The following SLC8A3 variants were observed in gnomAD, a reference collection of about 807,000 sequenced individuals.
The protein encoded by SLC8A3 is sodium/calcium exchanger 3.
Under a neutral mutation model 65.4 loss-of-function variants are expected in SLC8A3, and 37 were observed. That is an observed-to-expected ratio of 0.57 (90% CI 0.44 to 0.74). SLC8A3 has a LOEUF of 0.74. Ranked by LOEUF, SLC8A3 falls within the 30% of genes least tolerant of loss-of-function variation. The pLI is 0.00. For missense variants in SLC8A3, 1,112 were observed against 1,172.1 expected (o/e 0.95, Z 0.75); for synonymous variants, 461 against 444.5 (o/e 1.04, Z -0.47).
At chr14:70,124,918 GGAAGAAGGTGGCATCCT>G (rs1346745247) in intron 2 of SLC8A3, among the ~76,000 whole-genome samples, 2 of 152,194 alleles carry the variant, frequency 1.3e-5, no homozygotes, top group Admixed American at 6.5e-5. Flanking sequence ...GATGAGGGTT[GGAAGAAGGTGGCATCCT>G]TTCTTATTCG....
chr14:70,147,994 T>C (rs1364305653), intron 2 of SLC8A3, among the ~76,000 whole-genome samples: 3 of 152,212 alleles, frequency 2.0e-5, no homozygotes, highest in Non-Finnish European at 4.4e-5. Flanking sequence ...CTCAGGATGG[T>C]TCGACCGACA....
At chr14:70,064,878 G>A (rs150955) in intron 2 of SLC8A3, among the ~76,000 whole-genome samples, 1 of 151,828 alleles carries the variant, frequency 6.6e-6, no homozygotes, top group African/African-American at 2.4e-5. Flanking sequence ...TTTATTTATT[G>A]GAGCTTTAAA....
At chr14:70,160,020 T>A (rs188255254) in intron 2 of SLC8A3, among the ~76,000 whole-genome samples, 128 of 151,996 alleles carry the variant, frequency 8.4e-4, no homozygotes, top group Middle Eastern at 3.4e-3. Flanking sequence ...TAGAAAATAT[T>A]TGAAAAAATA....
chr14:70,082,803 G>A (rs1018356465), intron 2 of SLC8A3, among the ~76,000 whole-genome samples: 1 of 152,184 alleles, frequency 6.6e-6, no homozygotes, highest in Admixed American at 6.5e-5. Context: ...GGAATTATGG[G>A]CACAGAGGGA....
chr14:70,155,411 A>G (rs1436098904), intron 2 of SLC8A3, among the ~76,000 whole-genome samples: 3 of 152,108 alleles, frequency 2.0e-5, no homozygotes, highest in Non-Finnish European at 4.4e-5. Flanking sequence ...AATAACTACA[A>G]TTCTACTCTC....
chr14:70,050,138 A>C (rs765319281), intron 5 of SLC8A3, among the ~76,000 whole-genome samples: 28 of 152,138 alleles, frequency 1.8e-4, no homozygotes, highest in Non-Finnish European at 4.4e-5. Context: ...CCTCCTTTGT[A>C]AAAGGAGCAG....
chr14:70,145,335 T>A (rs1261784777), intron 2 of SLC8A3, among the ~76,000 whole-genome samples: 1 of 152,196 alleles, frequency 6.6e-6, no homozygotes, highest in Non-Finnish European at 1.5e-5. Context: ...TTCCAATCAC[T>A]CTGAATTTCA....
chr14:70,177,741 A>G (rs1392870152), intron 1 of SLC8A3, among the ~76,000 whole-genome samples: 1 of 152,258 alleles, frequency 6.6e-6, no homozygotes, highest in Admixed American at 6.5e-5. Context: ...TGCCTGGCCA[A>G]GGAATGTGGG....
intron 1 of SLC8A3, among the ~76,000 whole-genome samples, chr14:70,186,171 C>A (rs1883197697): frequency 6.6e-6 from 1 of 151,130 alleles, no homozygotes; most frequent in African/African-American, 2.4e-5. Context: ...TTGTAAGGGG[C>A]TTTTCCCCCT....
chr14:70,060,211 A>G (rs1286199448), intron 3 of SLC8A3: 1 of 165,528 alleles, frequency 6.0e-6, no homozygotes, highest in Non-Finnish European at 1.3e-5. Flanking sequence ...AGAGGGGCCT[A>G]TGGGCCACTC....
At chr14:70,103,084 T>C (rs1892641464) in intron 2 of SLC8A3, among the ~76,000 whole-genome samples, 1 of 152,028 alleles carries the variant, frequency 6.6e-6, no homozygotes, top group Non-Finnish European at 1.5e-5. Flanking sequence ...ACATTGTGTA[T>C]AGAGAAAGAG....
At chr14:70,078,832 T>A (rs1222305428) in intron 2 of SLC8A3, among the ~76,000 whole-genome samples, 1 of 152,178 alleles carries the variant, frequency 6.6e-6, no homozygotes, top group Non-Finnish European at 1.5e-5. Flanking sequence ...AGATACACCA[T>A]TGGGAATGGA....
Position 70,046,067 on chromosome 14 carries a change from T to C in SLC8A3, c.2646A>G (p.Gly882=). ...VLLYRRRPHL[G]GELGGPRGCK... ...AGCCACGGGGGCCACCAAGCTCCCC[T>C]CCCAGGTGCGGCCGCCTTCGGTACA... The change falls in exon 7 of 7, where the codon GGA becomes GGG. Residue 882 remains glycine, a synonymous_variant. Transcript: ENST00000356921. The surrounding 1 kb of genome is among the most constrained non-coding windows in gnomAD (Gnocchi z 4.2). The C allele has an allele frequency of 6.2e-7, 1 of 1,614,112 alleles. No homozygotes were observed. The highest frequency in any genetic ancestry group is 1.7e-5 in the Admixed American group (1 of 60,020).
chr14:70,174,305 C>A (rs1897730863), intron 1 of SLC8A3, among the ~76,000 whole-genome samples: 1 of 152,228 alleles, frequency 6.6e-6, no homozygotes, highest in African/African-American at 2.4e-5. Context: ...TGGACAAGAA[C>A]TTCCTTTCCA....
chr14:70,055,419 A>T (rs1444253058), intron 3 of SLC8A3, among the ~76,000 whole-genome samples: 1 of 152,058 alleles, frequency 6.6e-6, no homozygotes, highest in East Asian at 1.9e-4. Flanking sequence ...TCACAATTAT[A>T]TTAGGAGATT....
Position 70,167,783 on chromosome 14 carries a change from A to T in SLC8A3, c.640T>A (p.Tyr214Asn). The change falls in exon 2 of 7, where the codon TAC becomes AAC. Residue 214 changes from tyrosine to asparagine, a missense_variant. Physicochemically the swap from Tyr to Asn is moderately radical, Grantham distance 143. Transcript: ENST00000356921. ...FITAAWSIFA[Y>N]IWLYMILAVF... ...GCCAGAATCATATAGAGCCAGATGT[A>T]GGCAAAGATACTCCAAGCAGCGGTG... 1 of 1,614,210 alleles carries T rather than the reference A, an allele frequency of 6.2e-7. No homozygotes were observed. Among genetic ancestry groups the T allele is most frequent in the Non-Finnish European group, 8.5e-7 (1 of 1,180,042 alleles).
intron 2 of SLC8A3, among the ~76,000 whole-genome samples, chr14:70,114,695 C>T (rs1403852288): frequency 2.6e-5 from 4 of 152,192 alleles, no homozygotes; most frequent in African/African-American, 9.7e-5. Flanking sequence ...AATTATATAA[C>T]CCTTCAACTA....
chr14:70,114,780 C>G (rs1223684454), intron 2 of SLC8A3, among the ~76,000 whole-genome samples: 2 of 152,174 alleles, frequency 1.3e-5, no homozygotes, highest in African/African-American at 4.8e-5. Context: ...AAGCCAGACC[C>G]CTGCTGGGAG....
intron 2 of SLC8A3, among the ~76,000 whole-genome samples, chr14:70,074,779 G>T (rs985484544): frequency 2.6e-5 from 4 of 152,156 alleles, no homozygotes; most frequent in Admixed American, 6.5e-5. Flanking sequence ...TTTAAAAGTT[G>T]CAATTAATGC....
Sources: gnomAD v4.1 joint callset for allele counts (sites outside exome capture counted in the v4.1 genomes callset) on GRCh38, gnomAD v4.1.1 for gene constraint, Gnocchi (gnomAD v3.1) non-coding constraint, MANE v1.5 for transcripts, NCBI Gene and HGNC (gene_info 2026-07-23, HGNC 2026-07-21) for gene names.